ALG6: variants seen among roughly 807,000 people sequenced by gnomAD.
ALG6 encodes the protein dolichyl pyrophosphate Man9GlcNAc2 alpha-1,3-glucosyltransferase.
A neutral mutation model predicts 66.6 loss-of-function variants in ALG6; 46 were observed. The observed-to-expected ratio is 0.69, with a 90% CI of 0.55 to 0.88. The LOEUF (loss-of-function observed/expected upper bound fraction) is 0.88, where lower values mean the gene tolerates loss of function less well. Among genes scored for constraint, ALG6 ranks in the 40% least tolerant of loss-of-function variants. The probability of loss-of-function intolerance (pLI) is 0.00; values close to 1 mark genes in which losing one functional copy is unlikely to be tolerated. For synonymous variants in ALG6, 185 were observed against 203.7 expected, an observed-to-expected ratio of 0.91 and a Z score of 0.78; for missense variants, 505 against 586.8, an observed-to-expected ratio of 0.86 and a Z score of 1.44.
intron 12 of ALG6, among the ~76,000 whole-genome samples, chr1:63,427,032 TG>T (rs1298264920): frequency 6.6e-6 from 1 of 152,028 alleles, no homozygotes; most frequent in Admixed American, 6.6e-5. Flanking sequence ...GATGGAGTCT[TG>T]CTCTGTCACC....
intron 12 of ALG6, among the ~76,000 whole-genome samples, chr1:63,420,473 C>G (rs1644567729): frequency 6.6e-6 from 1 of 152,164 alleles, no homozygotes; most frequent in Non-Finnish European, 1.5e-5. Flanking sequence ...CACTGAACTT[C>G]TAGGGGTTCA....
intron 2 of ALG6, among the ~76,000 whole-genome samples, chr1:63,376,659 A>C (rs1648141787): frequency 1.3e-5 from 2 of 152,194 alleles, no homozygotes; most frequent in Admixed American, 1.3e-4. Context: ...TTTAAATTTA[A>C]GTAGATGGTA....
rs71577211 is a variant in ALG6, at chr1:63,400,194, C to CAAAAA, written c.168-2051_168-2047dup. Among the ~76,000 whole-genome samples the CAAAAA allele has an allele frequency of 5.6e-4, 11 of 19,518 alleles. 1 individual carries two copies. Among genetic ancestry groups the CAAAAA allele is most frequent in the African/African-American group, 7.4e-4 (2 of 2,694 alleles). 12.8% of individuals were successfully genotyped at this position (19,518 alleles called of 152,430 possible). On this transcript the variant is annotated intron_variant, in intron 3 of 14. Transcript: ENST00000263440. ...GGGCAACAAGAGCAAAACTCTGTCT[C>CAAAAA]AAAAAAAAAAAAATATATATATATA...
rs1478027451 is a variant in ALG6, at chr1:63,391,198, CCTT to C, written c.83-5312_83-5310del. ...GAGGAAAAATACATTTTCCTTCTGT[CCTT>C]CTAGGTTCTCTAATGTGCCCGTGTA... On this transcript the variant is annotated intron_variant, in intron 2 of 14. Transcript: ENST00000263440. 2.0e-5 allele frequency among the ~76,000 whole-genome samples: 3 copies of C among 152,292 alleles called. No individual in the cohort carries two copies. The East Asian group carries it at 5.8e-4, about 29-fold the overall frequency.
At chr1:63,398,919 T>C (rs1394261936) in intron 3 of ALG6, among the ~76,000 whole-genome samples, 1 of 152,222 alleles carries the variant, frequency 6.6e-6, no homozygotes, top group Non-Finnish European at 1.5e-5. Context: ...CAAATGCTAA[T>C]TGCTAAAACA....
chr1:63,434,252 T>A (rs377553598), intron 14 of ALG6, among the ~76,000 whole-genome samples: 1 of 152,136 alleles, frequency 6.6e-6, no homozygotes, highest in Non-Finnish European at 1.5e-5. Context: ...TCAGATTTTT[T>A]ATATATTTTG....
chr1:63,379,464 G>A (rs754953329), intron 2 of ALG6, among the ~76,000 whole-genome samples: 1 of 152,040 alleles, frequency 6.6e-6, no homozygotes, highest in African/African-American at 2.4e-5. Flanking sequence ...TAAAGGCATT[G>A]TATTTTAAAT....
chr1:63,411,740 G>T (rs1644517186), intron 8 of ALG6, among the ~76,000 whole-genome samples, 186 bp from the exon 9 acceptor site: 1 of 152,150 alleles, frequency 6.6e-6, no homozygotes, highest in South Asian at 2.1e-4. Flanking sequence ...TTGTTGAAGT[G>T]CACGTCTTAG....
Position 63,433,233 on chromosome 1 carries a change from G to A in ALG6, c.1327-3590G>A, listed in dbSNP as rs1421606381. 1.3e-5 allele frequency among the ~76,000 whole-genome samples: 2 copies of A among 152,148 alleles called. No homozygotes were observed. The highest frequency in any genetic ancestry group is 4.8e-5 in the African/African-American group (2 of 41,436). On this transcript the variant is annotated intron_variant, in intron 14 of 14. Coordinates refer to ENST00000263440, the MANE Select transcript of ALG6 (RefSeq NM_013339.4). The surrounding 1 kb of genome is among the most constrained non-coding windows in gnomAD (Gnocchi z 4.2). ...TGGGATTACAGGCGTGAGCTACCGC[G>A]CCCAGCCCAACAGGCTATACTTATT...
At chr1:63,367,737 G>A in intron 1 of ALG6, 50 bp downstream of exon 1, 1 of 152,280 alleles carries the variant, frequency 6.6e-6, no homozygotes, top group Non-Finnish European at 1.5e-5. Flanking sequence ...AGTGTGGGGA[G>A]GTGCCGGGGG....
At chr1:63,411,367 ACT>A in intron 8 of ALG6, 36 bp downstream of exon 8, 1 of 1,588,152 alleles carries the variant, frequency 6.3e-7, no homozygotes, top group Non-Finnish European at 8.6e-7. Context: ...CCAAAAATTT[ACT>A]TCAGATAATT....
At chr1:63,422,391 A>G (rs1644588731) in intron 12 of ALG6, among the ~76,000 whole-genome samples, 1 of 102,314 alleles carries the variant, frequency 9.8e-6, no homozygotes, top group Admixed American at 1.3e-4. Context: ...AAATATATAT[A>G]AATATATATC....
rs747312707 is a variant in ALG6 at position 63,411,947 on chromosome 1, A to G, written c.702A>G (p.Leu234=). 1.2e-6 allele frequency: 2 copies of G among 1,614,102 alleles called. No homozygotes were observed. The highest frequency in any genetic ancestry group is 2.2e-5 in the South Asian group (2 of 91,084). Residue 234 remains leucine, a synonymous_variant, in exon 9 of 15, where the codon CTA becomes CTG. Coordinates refer to ENST00000263440, the MANE Select transcript of ALG6 (RefSeq NM_013339.4). ...KGKGFVLLVK[L]ACIVVASFVL... ...TTAGGTTTGTGTTGCTAGTTAAGCT[A>G]GCTTGTATTGTTGTGGCTTCCTTCG... is the stretch of plus-strand genomic sequence containing the variant.
chr1:63,424,740 T>G (rs1328758764), intron 12 of ALG6, among the ~76,000 whole-genome samples: 1 of 151,526 alleles, frequency 6.6e-6, no homozygotes, highest in Non-Finnish European at 1.5e-5. Context: ...TGGATTTAGC[T>G]CTTATATTTA....
intron 1 of ALG6, among the ~76,000 whole-genome samples, chr1:63,369,046 T>G (rs1647822893): frequency 6.6e-6 from 1 of 152,156 alleles, no homozygotes; most frequent in African/African-American, 2.4e-5. Flanking sequence ...TGCCTATTTA[T>G]GAACCTTTCA....
chr1:63,386,271 T>G (rs1420302705), intron 2 of ALG6, among the ~76,000 whole-genome samples: 1 of 140,242 alleles, frequency 7.1e-6, no homozygotes, highest in East Asian at 1.9e-4. Context: ...TGGCTTGTAG[T>G]TTTTTTTTCT....
chr1:63,429,048 GC>G lies in ALG6; in HGVS notation c.1249del (p.Gln417SerfsTer2), dbSNP rs771069984. 4 of 1,606,940 alleles carry G rather than the reference GC, an allele frequency of 2.5e-6. No individual in the cohort carries two copies. The African/African-American group carries it at 5.4e-5, about 22-fold the overall frequency. On this transcript the variant is annotated frameshift_variant, in exon 14 of 15. Coordinates refer to ENST00000263440, the MANE Select transcript of ALG6 (RefSeq NM_013339.4). LOFTEE classifies it high-confidence loss of function. ...IFEKTSEEELQLKSFSISVRK... is the reference protein window; with the variant it reads ...IFEKTSEEELXLKSFSISVRK... ...TTGAAAAGACTTCTGAAGAAGAACT[GC>G]AGTTGAAATCCTTTTCCATTTCTGT...
chr1:63,428,664 T>C (rs535552835), intron 12 of ALG6, 69 bp from the exon 13 acceptor site: 76 of 1,172,208 alleles, frequency 6.5e-5, no homozygotes, highest in African/African-American at 2.0e-4. Flanking sequence ...AATGTATTTA[T>C]ATTTTTTACA....
chr1:63,406,250 A>G, intron 5 of ALG6, 67 bp from the exon 6 acceptor site: 1 of 1,334,150 alleles, frequency 7.5e-7, no homozygotes, highest in East Asian at 2.3e-5. Flanking sequence ...GGAGGAAGGG[A>G]GGCAGTTAAT....
Sources: allele counts gnomAD v4.1 joint callset (sites outside exome capture counted in the v4.1 genomes callset), GRCh38; gene constraint gnomAD v4.1.1; non-coding constraint Gnocchi (gnomAD v3.1); transcripts MANE v1.5; gene names NCBI Gene and HGNC (gene_info 2026-07-23, HGNC 2026-07-21).